The following TRPM4 variants were observed in gnomAD, a reference collection of about 807,000 sequenced individuals.
TRPM4 encodes the protein calcium-activated non-selective cation channel 1.
In TRPM4, 124 loss-of-function variants were observed where a neutral mutation model predicts 135.6. The ratio of observed to expected loss-of-function variants is 0.91; its 90% CI spans 0.79 to 1.06. The LOEUF (loss-of-function observed/expected upper bound fraction) is 1.06, where lower values mean the gene tolerates loss of function less well. Ranked by LOEUF, TRPM4 falls within the 50% of genes least tolerant of loss-of-function variation. The pLI is 0.00. For missense variants in TRPM4, 1,658 were observed against 1,671.4 expected, an observed-to-expected ratio of 0.99 and a Z score of 0.14; for synonymous variants, 745 against 705.6, an observed-to-expected ratio of 1.06 and a Z score of -0.88.
chr19:49,160,500 A>G (rs1052485166), intron 2 of TRPM4, among the ~76,000 whole-genome samples: 15 of 149,550 alleles, frequency 1.0e-4, no homozygotes, highest in Non-Finnish European at 1.8e-4. Context: ...AAAAAAAAAA[A>G]GAAAGAAAGA....
chr19:49,164,046 C>A (rs574171722), intron 2 of TRPM4, among the ~76,000 whole-genome samples: 1 of 152,210 alleles, frequency 6.6e-6, no homozygotes, highest in Admixed American at 6.5e-5. Context: ...AGTGTCTTTA[C>A]GGCTTTTGCC....
intron 9 of TRPM4, among the ~76,000 whole-genome samples, chr19:49,179,328 T>G (rs1438257348): frequency 6.6e-6 from 1 of 151,914 alleles, no homozygotes. Flanking sequence ...GTGTTGGGAT[T>G]ACAGGCATGA....
chr19:49,188,338 T>A (rs1157402463), intron 12 of TRPM4, among the ~76,000 whole-genome samples: 5 of 152,142 alleles, frequency 3.3e-5, no homozygotes, highest in African/African-American at 9.7e-5. Context: ...CGTGCTGGGA[T>A]TATAGTCGTG....
Position 49,210,945 on chromosome 19 carries a change from C to T in TRPM4, c.3462-70C>T. ...GAGGGAGGGAGAGAGGGAGGAGGCCCGGGAAGCAGGCAGAGCCCTGGGGGT... is the reference window on the plus strand; with the variant it reads ...GAGGGAGGGAGAGAGGGAGGAGGCCTGGGAAGCAGGCAGAGCCCTGGGGGT... On this transcript the variant is annotated intron_variant, in intron 22 of 24. Transcript: ENST00000252826. This position sits in a 1 kb window ranked among gnomAD's most constrained non-coding sequence, Gnocchi z 4.1. 1.4e-6 allele frequency: 1 copy of T among 731,798 alleles called. No individual in the cohort carries two copies. The highest frequency in any genetic ancestry group is 1.9e-6 in the Non-Finnish European group (1 of 522,960). The allele number at this position is 731,798 out of a possible 1,614,324, so 45.3% of individuals were successfully genotyped here. A position where few individuals can be genotyped will look rare whatever the true frequency, so the allele number is the denominator to read the frequency against.
chr19:49,210,649 G>T lies in TRPM4; in HGVS notation c.3329-61G>T. The stretch of plus-strand genomic sequence containing the variant: ...CGTGCGTGTTCTGAGGGTGTCGGAA[G>T]GGGCAGCTGGGATTGGGAAGGGGCG... On this transcript the variant is annotated intron_variant, in intron 21 of 24. Coordinates refer to ENST00000252826, the MANE Select transcript of TRPM4 (RefSeq NM_017636.4). The surrounding 1 kb of genome is among the most constrained non-coding windows in gnomAD (Gnocchi z 4.1). 1 of 1,612,900 alleles carries T rather than the reference G, an allele frequency of 6.2e-7. No individual in the cohort carries two copies. Among genetic ancestry groups the T allele is most frequent in the Non-Finnish European group, 8.5e-7 (1 of 1,179,492 alleles).
Position 49,166,098 on chromosome 19 carries a change from G to C in TRPM4, c.150G>C (p.Glu50Asp). 6.2e-7 allele frequency: 1 copy of C among 1,603,800 alleles called. No homozygotes were observed. The highest frequency in any genetic ancestry group is 8.5e-7 in the Non-Finnish European group (1 of 1,176,256). ...CCGCCCACCCCGCAGTGGCCATGGA[G>C]GATGCCTTCGGGGCAGCCGTGGTGA... ...PRTAHPAVAM[E>D]DAFGAAVVTV... Residue 50 changes from glutamate (E) to aspartate (D), a missense_variant, in exon 3 of 25, where the codon GAG (glutamate) becomes GAC (aspartate). Around this residue, in one of 3 missense-constraint regions of TRPM4, gnomAD observed 239 missense variants for 240.1 expected, o/e 1.00. Coordinates refer to ENST00000252826, the MANE Select transcript of TRPM4 (RefSeq NM_017636.4).
intron 2 of TRPM4, among the ~76,000 whole-genome samples, chr19:49,161,329 T>C (rs1228208063): frequency 1.4e-5 from 2 of 140,094 alleles, no homozygotes; most frequent in South Asian, 2.2e-4. Flanking sequence ...CTCTCTTTTT[T>C]TTTTTTTTTT....
intron 12 of TRPM4, among the ~76,000 whole-genome samples, chr19:49,186,102 T>A (rs1402786645): frequency 6.6e-6 from 1 of 152,222 alleles, no homozygotes; most frequent in Admixed American, 6.5e-5. Flanking sequence ...TCTTTGCATG[T>A]GTGGCCATGG....
chr19:49,201,788 T>C (rs1229845979), intron 19 of TRPM4, among the ~76,000 whole-genome samples, 176 bp from the exon 20 acceptor site: 1 of 152,058 alleles, frequency 6.6e-6, no homozygotes, highest in Non-Finnish European at 1.5e-5. Flanking sequence ...TTAGTAGAGA[T>C]GGGGTTTCAT....
intron 16 of TRPM4, among the ~76,000 whole-genome samples, chr19:49,194,049 C>A (rs189590633): frequency 0.012 from 1,713 of 146,490 alleles, 20 homozygotes; most frequent in South Asian, 0.026. Context: ...CCTCCGCCTT[C>A]TCCTCATCCT....
At chr19:49,203,219 G>A (rs533834746) in intron 20 of TRPM4, among the ~76,000 whole-genome samples, 24 of 150,808 alleles carry the variant, frequency 1.6e-4, no homozygotes, top group African/African-American at 3.7e-4. Context: ...TCGCTCTGTC[G>A]CCCAGGCTGG....
At position 49,168,589 on chromosome 19, in the gene TRPM4, C is replaced by A. The variant is rs1967327198; in HGVS notation, c.649C>A (p.Pro217Thr). 1 of 1,613,716 alleles carries A rather than the reference C, an allele frequency of 6.2e-7. No individual in the cohort carries two copies. The highest frequency in any genetic ancestry group is 1.3e-5 in the African/African-American group (1 of 74,894). Residue 217 changes from proline to threonine, a missense_variant, in exon 6 of 25, where the codon CCG becomes ACG. Transcript: ENST00000252826. ...FPARYRWRGDPEDGVQFPLDY... is the reference protein window; with the variant it reads ...FPARYRWRGDTEDGVQFPLDY... The stretch of plus-strand genomic sequence containing the variant: ...TGCGAGGTACCGGTGGCGCGGTGAC[C>A]CGGAGGACGGGGTCCAGTTTCCCCT...
At position 49,196,672 on chromosome 19, in the gene TRPM4, C is replaced by T. The variant is rs1249402810; in HGVS notation, c.2443C>T (p.Leu815=). The change falls in exon 17 of 25, where the codon CTG becomes TTG. Residue 815 remains leucine, a synonymous_variant. Transcript: ENST00000252826. ...GCCGGCGCCGCCCGGCTCCCTGGAG[C>T]TGCTGCTCTATTTCTGGGCTTTCAC... ...FQPAPPGSLE[L]LLYFWAFTLL... The T allele has an allele frequency of 1.3e-6, 2 of 1,548,136 alleles. No individual in the cohort carries two copies. The highest frequency in any genetic ancestry group is 1.7e-6 in the Non-Finnish European group (2 of 1,151,424).
At chr19:49,189,650 C>T (rs753295327) in intron 14 of TRPM4, among the ~76,000 whole-genome samples, 5 of 152,050 alleles carry the variant, frequency 3.3e-5, no homozygotes, top group African/African-American at 4.8e-5. Context: ...CTCTCCGATC[C>T]TGACAAGTTG....
At chr19:49,163,686 G>A (rs1967056995) in intron 2 of TRPM4, among the ~76,000 whole-genome samples, 1 of 151,888 alleles carries the variant, frequency 6.6e-6, no homozygotes, top group Admixed American at 6.6e-5. Context: ...GTAGGGATGG[G>A]GTCTCGCTCT....
Position 49,168,258 on chromosome 19 carries a change from A to G in TRPM4, c.449-2A>G, listed in dbSNP as rs201543300. 6.8e-6 allele frequency: 11 copies of G among 1,614,024 alleles called. No homozygotes were observed. The highest frequency in any genetic ancestry group is 8.5e-6 in the Non-Finnish European group (10 of 1,180,028). On this transcript the variant is annotated splice_acceptor_variant, in intron 4 of 24. Coordinates refer to ENST00000252826, the MANE Select transcript of TRPM4 (RefSeq NM_017636.4). LOFTEE classifies it high-confidence loss of function. ...TCTGCATGTTCCTCGGCGTCTGTGT[A>G]GGAGCCTGGATTGTCACTGGGGGTC...
chr19:49,206,576 C>T (rs973517767), intron 20 of TRPM4, among the ~76,000 whole-genome samples: 6 of 151,390 alleles, frequency 4.0e-5, no homozygotes, highest in East Asian at 3.9e-4. Flanking sequence ...AGTAGCTGGG[C>T]TTATAGGCAT....
intron 9 of TRPM4, among the ~76,000 whole-genome samples, chr19:49,178,775 T>C (rs1374010715): frequency 8.9e-6 from 1 of 112,760 alleles, no homozygotes; most frequent in African/African-American, 2.7e-5. Context: ...TTTATTTTTT[T>C]TGAGATGGAG....
chr19:49,190,851 T>A, intron 16 of TRPM4, 78 bp downstream of exon 16: 1 of 1,302,188 alleles, frequency 7.7e-7, no homozygotes, highest in South Asian at 1.2e-5. Flanking sequence ...CACGTTGTGT[T>A]AGTCCCCTCT....
Sources: allele counts gnomAD v4.1 joint callset (sites outside exome capture counted in the v4.1 genomes callset), GRCh38; gene constraint gnomAD v4.1.1; regional missense constraint gnomAD v4.1.1; non-coding constraint Gnocchi (gnomAD v3.1); transcripts MANE v1.5; gene names NCBI Gene and HGNC (gene_info 2026-07-23, HGNC 2026-07-21).